The following KIAA2012 variants were observed in gnomAD, a reference collection of about 807,000 sequenced individuals.
KIAA2012 encodes KIAA2012, also known as uncharacterized protein KIAA2012.
Under a neutral mutation model 150.6 loss-of-function variants are expected in KIAA2012, and 125 were observed. That is an observed-to-expected ratio of 0.83 (90% CI 0.72 to 0.96). The LOEUF (loss-of-function observed/expected upper bound fraction) is 0.96, where lower values mean the gene tolerates loss of function less well. KIAA2012 is among the 40% of genes least tolerant of loss of function. KIAA2012 has a pLI of 0.00. For synonymous variants in KIAA2012, 462 were observed against 504.7 expected (o/e 0.92, Z 1.13); for missense variants, 1,219 against 1,354.9 (o/e 0.90, Z 1.57).
At chr2:202,199,283 C>CT (rs1226068352) in intron 22 of KIAA2012, among the ~76,000 whole-genome samples, 2 of 151,910 alleles carry the variant, frequency 1.3e-5, no homozygotes, top group Non-Finnish European at 2.9e-5. Flanking sequence ...CCCCAACCCC[C>CT]TTTTTTTGAG....
intron 22 of KIAA2012, among the ~76,000 whole-genome samples, chr2:202,200,006 C>G (rs1425179206): frequency 6.9e-6 from 1 of 143,926 alleles, no homozygotes; most frequent in African/African-American, 2.6e-5. Context: ...TCTTGGCTCC[C>G]TGCAACCTCT....
chr2:202,186,793 A>G, intron 16 of KIAA2012, 140 bp from the exon 17 acceptor site: 1 of 720,598 alleles, frequency 1.4e-6, no homozygotes, highest in South Asian at 2.4e-5. Flanking sequence ...GATGTGCAGA[A>G]GAAAAAGAGT....
chr2:202,183,253 A>G (rs1465328798), intron 15 of KIAA2012, among the ~76,000 whole-genome samples: 6 of 152,160 alleles, frequency 3.9e-5, no homozygotes, highest in Middle Eastern at 3.4e-3. Context: ...GACTCCGTCT[A>G]TACGAAAAAT....
chr2:202,194,283 C>T lies in KIAA2012; in HGVS notation c.3108C>T (p.Ala1036=). The T allele has an allele frequency of 6.4e-7, 1 of 1,550,486 alleles. No homozygotes were observed. The highest frequency in any genetic ancestry group is 8.7e-7 in the Non-Finnish European group (1 of 1,147,014). ...QLRLKAAQER[A]RQQQEEFRRK... ...GGTTGAAAGCAGCCCAGGAGAGAGC[C>T]CGGCAACAGCAAGAGGAGTTTCGGA... Residue 1036 remains alanine (A), a synonymous_variant, in exon 21 of 24, where the codon GCC becomes GCT. Coordinates refer to ENST00000498697, the MANE Select transcript of KIAA2012 (RefSeq NM_001277372.4).
intron 2 of KIAA2012, among the ~76,000 whole-genome samples, chr2:202,081,887 T>C (rs1441224385): frequency 1.3e-5 from 2 of 152,142 alleles, no homozygotes; most frequent in South Asian, 2.1e-4. Context: ...CCTTTTGTAG[T>C]TCATAAGCAT....
At chr2:202,082,077 A>G (rs1297044325) in intron 2 of KIAA2012, among the ~76,000 whole-genome samples, 5 of 152,198 alleles carry the variant, frequency 3.3e-5, no homozygotes, top group Admixed American at 6.5e-5. Context: ...GATAAATGAC[A>G]TTGAGCATCT....
Position 202,121,254 on chromosome 2 carries a change from T to A in KIAA2012, c.1763-3960T>A, listed in dbSNP as rs1381876703. Among the ~76,000 whole-genome samples the A allele has an allele frequency of 7.9e-5, 12 of 152,192 alleles. No individual in the cohort carries two copies. The East Asian group carries it at 2.1e-3, about 27-fold the overall frequency. ...GCCTGCCTGCCTACCTCTGGACTTGTATGTGCAAGAGAAATAAATGTTTAT... is the reference window on the plus strand; with the variant it reads ...GCCTGCCTGCCTACCTCTGGACTTGAATGTGCAAGAGAAATAAATGTTTAT... On this transcript the variant is annotated intron_variant, in intron 11 of 23. Transcript: ENST00000498697.
At chr2:202,114,698 A>G (rs781019806) in intron 11 of KIAA2012, 1 of 165,230 alleles carries the variant, frequency 6.1e-6, no homozygotes, top group Non-Finnish European at 1.5e-5. Context: ...CCTGACATAT[A>G]CATAGAAGGG....
rs893238233 is a variant in KIAA2012, at chr2:202,193,452, AG to A, written c.2964del (p.Met989TrpfsTer18). On this transcript the variant is annotated frameshift_variant, in exon 20 of 24. Coordinates refer to ENST00000498697, the MANE Select transcript of KIAA2012 (RefSeq NM_001277372.4). LOFTEE classifies it high-confidence loss of function. ...LQQEQLERAK[K>X]MEEELELEQQ... ...CAGGAGCAGCTGGAGAGAGCAAAAA[AG>A]ATGGAGGAGGAGCTGGAGCTGGAGC... The A allele has an allele frequency of 1.1e-5, 17 of 1,550,222 alleles. No homozygotes were observed. Among genetic ancestry groups the A allele is most frequent in the African/African-American group, 1.4e-5 (1 of 73,022 alleles).
At chr2:202,078,129 T>C (rs1328655309) in intron 2 of KIAA2012, among the ~76,000 whole-genome samples, 2 of 152,220 alleles carry the variant, frequency 1.3e-5, no homozygotes, top group Non-Finnish European at 2.9e-5. Context: ...AGAAAAACAT[T>C]GACTACAGGG....
intron 10 of KIAA2012, among the ~76,000 whole-genome samples, chr2:202,112,740 G>A (rs1269429125): frequency 5.3e-5 from 8 of 152,212 alleles, no homozygotes; most frequent in African/African-American, 4.8e-5. Context: ...TGGGTTGAGC[G>A]TTGAGATTCA....
chr2:202,130,920 AT>A (rs1318051055), intron 12 of KIAA2012, among the ~76,000 whole-genome samples: 7 of 121,088 alleles, frequency 5.8e-5, no homozygotes, highest in East Asian at 3.5e-4. Flanking sequence ...CATCTCAAAA[AT>A]AAATAAATAA....
intron 23 of KIAA2012, among the ~76,000 whole-genome samples, chr2:202,204,719 ATT>A (rs1400409292): frequency 6.7e-6 from 1 of 148,594 alleles, no homozygotes; most frequent in Non-Finnish European, 1.5e-5. Context: ...TTTGATACTT[ATT>A]TTAACTCCTT....
chr2:202,165,182 A>C (rs977261415), intron 14 of KIAA2012, 102 bp from the exon 15 acceptor site: 1 of 1,092,540 alleles, frequency 9.2e-7, no homozygotes, highest in Non-Finnish European at 1.3e-6. Flanking sequence ...CCACTAAGAA[A>C]ACTGGCTTCC....
intron 14 of KIAA2012, among the ~76,000 whole-genome samples, chr2:202,161,874 G>A (rs1239468125): frequency 6.6e-6 from 1 of 151,962 alleles, no homozygotes; most frequent in African/African-American, 2.4e-5. Flanking sequence ...CAAACAACCT[G>A]GCCAAAATAA....
chr2:202,127,707 T>C (rs1291872148), intron 12 of KIAA2012, among the ~76,000 whole-genome samples: 1 of 152,222 alleles, frequency 6.6e-6, no homozygotes, highest in Non-Finnish European at 1.5e-5. Context: ...CTAAAAGACC[T>C]TGGACTAATG....
chr2:202,180,422 C>A (rs1335931379), intron 15 of KIAA2012, among the ~76,000 whole-genome samples: 1 of 152,176 alleles, frequency 6.6e-6, no homozygotes, highest in African/African-American at 2.4e-5. Flanking sequence ...CTTAAATCGA[C>A]TGTTTTTAAA....
At chr2:202,074,389 T>A (rs148251617) in intron 1 of KIAA2012, among the ~76,000 whole-genome samples, 317 of 152,310 alleles carry the variant, frequency 2.1e-3, no homozygotes, top group African/African-American at 6.0e-3. Flanking sequence ...GGCATTTTCT[T>A]ACCTACAAGA....
At chr2:202,155,700 TA>T (rs1691513412) in intron 14 of KIAA2012, among the ~76,000 whole-genome samples, 1 of 152,216 alleles carries the variant, frequency 6.6e-6, no homozygotes, top group East Asian at 1.9e-4. Context: ...TGGCTCTATC[TA>T]GTGCTATAGA....
Sources: allele counts gnomAD v4.1 joint callset (sites outside exome capture counted in the v4.1 genomes callset), GRCh38; gene constraint gnomAD v4.1.1; transcripts MANE v1.5; gene names NCBI Gene and HGNC (gene_info 2026-07-23, HGNC 2026-07-21).